ZNF75D: variants seen among roughly 807,000 people sequenced by gnomAD.
ZNF75D encodes the protein zinc finger protein 75.
Under a neutral mutation model 33.3 loss-of-function variants are expected in ZNF75D, and 33 were observed. The observed-to-expected ratio is 0.99, with a 90% CI of 0.75 to 1.32. The LOEUF is 1.32. Ranked by LOEUF, ZNF75D falls within the 40% of genes most tolerant of loss-of-function variation. The pLI is 0.00. For synonymous variants in ZNF75D, 113 were observed against 130.6 expected (o/e 0.87, Z 0.92); for missense variants, 338 against 367.5 (o/e 0.92, Z 0.66).
At chrX:135,285,426 T>C (rs782700778), downstream of ZNF75D, among the ~76,000 whole-genome samples, 1 of 112,498 alleles carries the variant, frequency 8.9e-6, no homozygotes, top group Non-Finnish European at 1.9e-5. Flanking sequence ...ACCAAATGAA[T>C]GTCATGCCAG....
chrX:135,327,122 T>C (rs1411840628), intron 1 of ZNF75D, among the ~76,000 whole-genome samples: 1 of 112,749 alleles, frequency 8.9e-6, no homozygotes, highest in Non-Finnish European at 1.9e-5. Context: ...TCAGACCACC[T>C]GTCTCTTGAG....
chrX:135,315,521 G>A (rs1556431090), intron 1 of ZNF75D, among the ~76,000 whole-genome samples: 3 of 112,020 alleles, frequency 2.7e-5, no homozygotes, highest in African/African-American at 6.5e-5. Flanking sequence ...CCTGTCTAAC[G>A]CTGAGAGTGG....
At chrX:135,329,012 C>A (rs992995610) in intron 1 of ZNF75D, among the ~76,000 whole-genome samples, 6 of 112,163 alleles carry the variant, frequency 5.3e-5, no homozygotes, top group African/African-American at 1.9e-4. Flanking sequence ...CACACATATT[C>A]TCATGCTTTT....
chrX:135,308,975 G>A (rs1312085429), intron 1 of ZNF75D, among the ~76,000 whole-genome samples: 1 of 111,759 alleles, frequency 8.9e-6, no homozygotes, highest in Admixed American at 9.5e-5. Context: ...AAGAAATACA[G>A]ATGTAAAATA....
At chrX:135,338,536 C>A (rs2084744991) in intron 1 of ZNF75D, among the ~76,000 whole-genome samples, 1 of 112,081 alleles carries the variant, frequency 8.9e-6, no homozygotes, top group African/African-American at 3.2e-5. Flanking sequence ...TCCTAATGTA[C>A]ATGTAAGCAT....
intron 1 of ZNF75D, among the ~76,000 whole-genome samples, chrX:135,274,851 T>C (rs2083894292): frequency 8.9e-6 from 1 of 112,215 alleles, no homozygotes; most frequent in Admixed American, 9.5e-5. Flanking sequence ...CATGTATTGT[T>C]CTTATCTATA....
intron 1 of ZNF75D, among the ~76,000 whole-genome samples, chrX:135,326,051 C>A (rs1357459778): frequency 1.1e-3 from 116 of 108,608 alleles, no homozygotes; most frequent in Non-Finnish European, 1.5e-3. Flanking sequence ...TCTGGTGGGG[C>A]CTTGGAGAAC....
At chrX:135,339,644 T>G (rs1304887765) in intron 1 of ZNF75D, among the ~76,000 whole-genome samples, 1 of 112,125 alleles carries the variant, frequency 8.9e-6, no homozygotes, top group Non-Finnish European at 1.9e-5. Context: ...CATTTACACA[T>G]ATTGTGCACT....
At chrX:135,325,917 C>T (rs2084565422) in intron 1 of ZNF75D, among the ~76,000 whole-genome samples, 1 of 112,943 alleles carries the variant, frequency 8.9e-6, no homozygotes, top group Non-Finnish European at 1.9e-5. Flanking sequence ...AGCTGGGCTC[C>T]TGAGTCTGGT....
Position 135,322,087 on chromosome X carries a change from C to T in ZNF75D, c.-391+19681G>A, listed in dbSNP as rs148697332. ...TCAATTAATCTTTGCTGAATAAATG[C>T]GAGTCTCACCAGCTGGTCAGGACCT... On this transcript the variant is annotated intron_variant, in intron 1 of 6. Transcript: ENST00000370766. Among the ~76,000 whole-genome samples the T allele has an allele frequency of 2.3e-3, 263 of 111,929 alleles. 2 individuals carry two copies. Among genetic ancestry groups the T allele is most frequent in the African/African-American group, 8.0e-3 (246 of 30,816 alleles).
intron 1 of ZNF75D, among the ~76,000 whole-genome samples, chrX:135,256,554 C>T (rs1395740136): frequency 1.8e-5 from 2 of 111,666 alleles, no homozygotes; most frequent in African/African-American, 6.5e-5. Flanking sequence ...ACTTAAAAGG[C>T]AGTCTAGGAC....
intron 1 of ZNF75D, among the ~76,000 whole-genome samples, chrX:135,323,988 A>AGC (rs1456500600): frequency 3.7e-5 from 3 of 81,259 alleles, no homozygotes; most frequent in South Asian, 4.9e-4. Context: ...TACTTGTTGC[A>AGC]GCACACACAC....
intron 1 of ZNF75D, among the ~76,000 whole-genome samples, chrX:135,260,413 C>A (rs782224206): frequency 1.0e-5 from 1 of 98,245 alleles, no homozygotes; most frequent in East Asian, 2.9e-4. Flanking sequence ...GGCTGTGAAT[C>A]CGTCTGGTCC....
intron 1 of ZNF75D, among the ~76,000 whole-genome samples, chrX:135,326,138 T>C (rs1333155236): frequency 1.8e-5 from 2 of 109,851 alleles, no homozygotes; most frequent in African/African-American, 6.7e-5. Context: ...AACACACCAA[T>C]CAGCACCCTG....
rs143820621 is a variant in ZNF75D, at chrX:135,265,608, G to T, written n.828-9831C>A. Among the ~76,000 whole-genome samples the T allele has an allele frequency of 2.7e-5, 3 of 111,989 alleles. No individual in the cohort carries two copies. The East Asian group carries it at 8.5e-4, about 32-fold the overall frequency. ...TTTACCCTAGAATAAAAGCACATAG[G>T]CAAAACTGTCCTTTAAGCATGAAGA... On this transcript the variant is annotated intron_variant and non_coding_transcript_variant, in intron 1 of 3. Coordinates refer to the ZNF75D transcript ENST00000494295.
chrX:135,284,653 C>T (rs2083933850), downstream of ZNF75D, among the ~76,000 whole-genome samples: 3 of 112,045 alleles, frequency 2.7e-5, no homozygotes, highest in South Asian at 1.1e-3. Flanking sequence ...CTGCCACTTG[C>T]CTTAAATAAT....
At chrX:135,280,482 T>C (rs1602591919) in intron 1 of ZNF75D, among the ~76,000 whole-genome samples, 1 of 112,091 alleles carries the variant, frequency 8.9e-6, no homozygotes, top group African/African-American at 3.2e-5. Context: ...ATTTAGCCCA[T>C]TTACATTTAA....
rs1556422814 is a variant in ZNF75D, at chrX:135,295,930, G to A, written c.-281C>T. On this transcript the variant is annotated 5_prime_UTR_variant, in exon 2 of 7. Coordinates refer to ENST00000370766, the MANE Select transcript of ZNF75D (RefSeq NM_007131.5). ...CAGGAAAGCGCGGGATGCCTGGCGA[G>A]TGAAGCTCCAAGATGTGGGGAGTCT... is the stretch of plus-strand genomic sequence containing the variant. 1.8e-5 allele frequency: 2 copies of A among 111,352 alleles called. No homozygotes were observed. Among genetic ancestry groups the A allele is most frequent in the Non-Finnish European group, 3.8e-5 (2 of 53,050 alleles). 9.2% of individuals were successfully genotyped at this position (111,352 alleles called of 1,213,427 possible).
intron 1 of ZNF75D, among the ~76,000 whole-genome samples, chrX:135,321,675 G>A (rs894272409): frequency 1.1e-4 from 12 of 112,301 alleles, no homozygotes; most frequent in Admixed American, 5.6e-4. Flanking sequence ...AGAGGTTGAC[G>A]CGATGGGAAC....
Sources: allele counts gnomAD v4.1 joint callset (sites outside exome capture counted in the v4.1 genomes callset), GRCh38; gene constraint gnomAD v4.1.1; transcripts MANE v1.5; gene names NCBI Gene and HGNC (gene_info 2026-07-23, HGNC 2026-07-21).